Variants in TMEM182 observed in about 807,000 individuals in gnomAD.
TMEM182 encodes transmembrane protein 182.
TMEM182 carries 20 observed loss-of-function variants against 26.8 expected under a neutral mutation model. That is an observed-to-expected ratio of 0.75 (90% CI 0.53 to 1.09). The LOEUF is 1.09. Among genes scored for constraint, TMEM182 ranks in the 50% least tolerant of loss-of-function variants. TMEM182 has a pLI of 0.00. For missense variants in TMEM182, 277 were observed against 275.5 expected (o/e 1.01, Z -0.04); for synonymous variants, 109 against 102.2 (o/e 1.07, Z -0.40).
At chr2:102,786,614 T>C (rs1034744886) in intron 3 of TMEM182, among the ~76,000 whole-genome samples, 1 of 152,216 alleles carries the variant, frequency 6.6e-6, no homozygotes, top group Admixed American at 6.5e-5. Flanking sequence ...ATTTACATGA[T>C]AAAGATTCTC....
At chr2:102,770,013 T>C (rs1349155436) in intron 3 of TMEM182, among the ~76,000 whole-genome samples, 2 of 152,182 alleles carry the variant, frequency 1.3e-5, no homozygotes, top group African/African-American at 4.8e-5. Context: ...ATTATAATCA[T>C]TGATACTGAT....
upstream of TMEM182, among the ~76,000 whole-genome samples, chr2:102,758,953 C>T (rs576528025): frequency 1.3e-5 from 2 of 152,220 alleles, no homozygotes; most frequent in African/African-American, 4.8e-5. Context: ...TTTATCCGGG[C>T]TCTTCCCTGT....
chr2:102,787,608 T>C (rs1372165724), intron 3 of TMEM182, among the ~76,000 whole-genome samples: 8 of 152,182 alleles, frequency 5.3e-5, no homozygotes, highest in Non-Finnish European at 2.9e-5. Context: ...AAGAAGGGCC[T>C]TGAAGGATGG....
chr2:102,828,723 T>C (rs1263661332), intron 3 of TMEM182, among the ~76,000 whole-genome samples: 1 of 152,120 alleles, frequency 6.6e-6, no homozygotes, highest in East Asian at 1.9e-4. Context: ...TACCCCACAA[T>C]AGGAGCTCAG....
At chr2:102,748,948 G>A (rs1246519011) in intron 1 of TMEM182, among the ~76,000 whole-genome samples, 1 of 151,984 alleles carries the variant, frequency 6.6e-6, no homozygotes, top group African/African-American at 2.4e-5. Flanking sequence ...GCAAGTTCAA[G>A]GATAACTCTA....
intron 4 of TMEM182, among the ~76,000 whole-genome samples, chr2:102,807,639 A>T (rs1682397410): frequency 6.6e-6 from 1 of 152,210 alleles, no homozygotes; most frequent in Non-Finnish European, 1.5e-5. Flanking sequence ...GCAAATGTGG[A>T]AGTGGCAAAT....
intron 4 of TMEM182, among the ~76,000 whole-genome samples, chr2:102,809,573 A>T (rs1682474560): frequency 6.6e-6 from 1 of 152,126 alleles, no homozygotes; most frequent in Non-Finnish European, 1.5e-5. Context: ...ATGTTTGGGA[A>T]TGTTTTCAGC....
At chr2:102,817,980 A>G (rs1305097646), downstream of TMEM182, among the ~76,000 whole-genome samples, 1 of 152,238 alleles carries the variant, frequency 6.6e-6, no homozygotes, top group African/African-American at 2.4e-5. Flanking sequence ...TCTTAAAAGT[A>G]ACCATGTTGG....
At chr2:102,753,142 C>A (rs1679923775) in intron 1 of TMEM182, among the ~76,000 whole-genome samples, 1 of 152,126 alleles carries the variant, frequency 6.6e-6, no homozygotes, top group African/African-American at 2.4e-5. Flanking sequence ...AAATGTTTTA[C>A]TGTGTGCTTA....
At chr2:102,795,714 A>G (rs191322683) in intron 3 of TMEM182, among the ~76,000 whole-genome samples, 7 of 152,128 alleles carry the variant, frequency 4.6e-5, no homozygotes, top group Admixed American at 1.3e-4. Flanking sequence ...CAAACGTGGA[A>G]TTTTAGAGTC....
intron 1 of TMEM182, among the ~76,000 whole-genome samples, chr2:102,754,175 TG>T (rs1679967300): frequency 6.6e-6 from 1 of 152,226 alleles, no homozygotes; most frequent in Non-Finnish European, 1.5e-5. Flanking sequence ...TCTAGGATGA[TG>T]GGCCACAGTC....
At chr2:102,747,000 A>G (rs543058874) in intron 1 of TMEM182, among the ~76,000 whole-genome samples, 1 of 152,342 alleles carries the variant, frequency 6.6e-6, no homozygotes, top group South Asian at 2.1e-4. Flanking sequence ...TGCCTTTAGG[A>G]CAAATTACTT....
Position 102,762,706 on chromosome 2 carries a change from A to AT in TMEM182, c.232+24dup. ...GGTACAGTAAGTACAATTTAGCTTTATTTTCCCTCTTGTCTGTAAAATAAA... is the reference window on the plus strand; with the variant it reads ...GGTACAGTAAGTACAATTTAGCTTTATTTTTCCCTCTTGTCTGTAAAATAAA... On this transcript the variant is annotated intron_variant, in intron 2 of 4. Transcript: ENST00000412401. 6.3e-7 allele frequency: 1 copy of AT among 1,588,420 alleles called. No individual in the cohort carries two copies. The highest frequency in any genetic ancestry group is 1.7e-4 in the Middle Eastern group (1 of 6,006).
At chr2:102,778,717 A>G (rs1243360990) in intron 3 of TMEM182, among the ~76,000 whole-genome samples, 5 of 152,000 alleles carry the variant, frequency 3.3e-5, no homozygotes, top group Non-Finnish European at 7.4e-5. Context: ...ATTATGGTCT[A>G]TCGATGTTGA....
intron 3 of TMEM182, among the ~76,000 whole-genome samples, chr2:102,776,785 C>T (rs1303500586): frequency 6.6e-6 from 1 of 152,294 alleles, no homozygotes; most frequent in South Asian, 2.1e-4. Context: ...GAATGAGTTA[C>T]TGTTGTTCTA....
chr2:102,805,924 C>T (rs1308808266), intron 4 of TMEM182, among the ~76,000 whole-genome samples: 1 of 152,072 alleles, frequency 6.6e-6, no homozygotes, highest in Non-Finnish European at 1.5e-5. Context: ...AAAAAAAACC[C>T]ATACTGTCTC....
intron 4 of TMEM182, among the ~76,000 whole-genome samples, chr2:102,809,826 A>G (rs183093287): frequency 6.6e-6 from 1 of 152,256 alleles, no homozygotes; most frequent in East Asian, 1.9e-4. Flanking sequence ...ACGTAGAAAA[A>G]GGACGATTTT....
At chr2:102,819,671 A>T (rs1489775822), downstream of TMEM182, among the ~76,000 whole-genome samples, 1 of 152,214 alleles carries the variant, frequency 6.6e-6, no homozygotes, top group Non-Finnish European at 1.5e-5. Context: ...ATGTGTATGT[A>T]TGTAAAGTGT....
At chr2:102,747,498 A>G (rs1679736613) in intron 1 of TMEM182, among the ~76,000 whole-genome samples, 1 of 152,248 alleles carries the variant, frequency 6.6e-6, no homozygotes, top group African/African-American at 2.4e-5. Context: ...TGATACTGAC[A>G]TCCAAATTGT....
Sources: gnomAD v4.1 joint callset for allele counts (sites outside exome capture counted in the v4.1 genomes callset) on GRCh38, gnomAD v4.1.1 for gene constraint, MANE v1.5 for transcripts, NCBI Gene and HGNC (gene_info 2026-07-23, HGNC 2026-07-21) for gene names.